Variants in EFCAB13 observed in about 807,000 individuals in gnomAD.
EFCAB13 encodes EF-hand calcium binding domain 13.
A neutral mutation model predicts 110.2 loss-of-function variants in EFCAB13; 91 were observed. That is an observed-to-expected ratio of 0.83 (90% CI 0.70 to 0.98). The LOEUF (loss-of-function observed/expected upper bound fraction) is 0.98. Ranked by LOEUF, EFCAB13 falls within the 50% of genes least tolerant of loss-of-function variation. The pLI is 0.00. For missense variants in EFCAB13, 968 were observed against 1,119.4 expected (o/e 0.86, Z 1.93); for synonymous variants, 323 against 369.9 (o/e 0.87, Z 1.45).
At chr17:47,362,071 G>T (rs2065516977) in intron 10 of EFCAB13, among the ~76,000 whole-genome samples, 1 of 151,968 alleles carries the variant, frequency 6.6e-6, no homozygotes. Flanking sequence ...ATTATTGTGG[G>T]CGGCAAGCCA....
intron 12 of EFCAB13, among the ~76,000 whole-genome samples, chr17:47,376,807 C>T (rs145770178): frequency 3.5e-4 from 53 of 152,306 alleles, no homozygotes; most frequent in African/African-American, 1.3e-3. Context: ...TAGTCCCCTT[C>T]AGTCTGGGAT....
rs60375757 is a variant in EFCAB13 at position 47,432,399 on chromosome 17, AAAAT to A, written c.2638+2479_2638+2482del. Among the ~76,000 whole-genome samples, 380 of 138,536 alleles carry A rather than the reference AAAAT, an allele frequency of 2.7e-3. 1 individual carries two copies. Among genetic ancestry groups the A allele is most frequent in the African/African-American group, 4.1e-3 (150 of 36,348 alleles). 90.9% of individuals were successfully genotyped at this position (138,536 alleles called of 152,430 possible). ...GGCGACTGAGCAAGAATCCATCTCA[AAAAT>A]AAATAAATAAATAAATAAATAAATA... On this transcript the variant is annotated intron_variant, in intron 24 of 24. Coordinates refer to ENST00000331493, the MANE Select transcript of EFCAB13 (RefSeq NM_152347.5).
chr17:47,398,666 G>A (rs553578094), intron 17 of EFCAB13, among the ~76,000 whole-genome samples: 6 of 151,302 alleles, frequency 4.0e-5, no homozygotes, highest in African/African-American at 1.5e-4. Flanking sequence ...TGCTCCTTAA[G>A]AGTCATCACC....
At position 47,324,527 on chromosome 17, in the gene EFCAB13, C is replaced by G. The variant is rs950598801; in HGVS notation, c.-248+4C>G. On this transcript the variant is annotated splice_donor_region_variant and intron_variant, in intron 2 of 24. Transcript: ENST00000331493. ...TGGGTTCTTGGAAGAGGTGGAGGTTCGTTCACTCGACGTTTGTTACACAAA... is the reference window on the plus strand; with the variant it reads ...TGGGTTCTTGGAAGAGGTGGAGGTTGGTTCACTCGACGTTTGTTACACAAA... The G allele has an allele frequency of 6.6e-5, 10 of 152,064 alleles. No individual in the cohort carries two copies. The highest frequency in any genetic ancestry group is 2.2e-4 in the African/African-American group (9 of 41,356). The allele number at this position is 152,064 out of a possible 1,614,324, so 9.4% of individuals were successfully genotyped here.
At position 47,424,659 on chromosome 17, in the gene EFCAB13, CA is replaced by C. The variant is rs138264090; in HGVS notation, c.2495-5158del. 8.8e-3 allele frequency among the ~76,000 whole-genome samples: 1,340 copies of C among 152,088 alleles called. 20 individuals are homozygous for C. The highest frequency in any genetic ancestry group is 0.031 in the African/African-American group (1,285 of 41,454). ...ATCAGTGATGGCATGAATTCTTCAG[CA>C]CATTATCACGTAAACTTCAGCCAGG... On this transcript the variant is annotated intron_variant, in intron 23 of 24. Transcript: ENST00000331493.
intron 12 of EFCAB13, among the ~76,000 whole-genome samples, chr17:47,375,450 C>T (rs2065609739): frequency 6.6e-6 from 1 of 151,582 alleles, no homozygotes; most frequent in Non-Finnish European, 1.5e-5. Flanking sequence ...CATGCCACCA[C>T]ACCCAGCTAA....
intron 12 of EFCAB13, 118 bp downstream of exon 12, chr17:47,375,084 T>A: frequency 1.3e-6 from 1 of 796,060 alleles, no homozygotes; most frequent in Non-Finnish European, 1.7e-6. Context: ...CCACCACTTC[T>A]TTTTTTTTTA....
chr17:47,355,814 G>T (rs532484949), intron 9 of EFCAB13, among the ~76,000 whole-genome samples: 1 of 151,774 alleles, frequency 6.6e-6, no homozygotes. Flanking sequence ...CTCATGATCC[G>T]CCTGCCTTGG....
intron 12 of EFCAB13, among the ~76,000 whole-genome samples, chr17:47,376,009 T>C (rs1421139061): frequency 5.3e-5 from 8 of 152,206 alleles, no homozygotes; most frequent in Admixed American, 5.2e-4. Flanking sequence ...ACTTTCATCA[T>C]AGAAGCAGTG....
intron 4 of EFCAB13, among the ~76,000 whole-genome samples, chr17:47,328,629 C>G (rs941805160): frequency 6.6e-6 from 1 of 151,992 alleles, no homozygotes; most frequent in African/African-American, 2.4e-5. Context: ...GGGTACGGAC[C>G]TGGATAATTT....
At chr17:47,416,013 A>G (rs1904430608) in intron 23 of EFCAB13, among the ~76,000 whole-genome samples, 1 of 152,238 alleles carries the variant, frequency 6.6e-6, no homozygotes, top group South Asian at 2.1e-4. Flanking sequence ...TCAATGGCGT[A>G]TTTCTAAATG....
intron 2 of EFCAB13, among the ~76,000 whole-genome samples, chr17:47,325,316 T>C (rs1259704769): frequency 6.6e-6 from 1 of 152,034 alleles, no homozygotes; most frequent in African/African-American, 2.4e-5. Context: ...TAAGCCACCA[T>C]GCACAGCCTG....
intron 21 of EFCAB13, 141 bp from the exon 22 acceptor site, chr17:47,412,632 A>C: frequency 1.2e-6 from 1 of 867,440 alleles, no homozygotes. Flanking sequence ...CATCAGTTAC[A>C]AATAGAAAAT....
chr17:47,403,924 G>T lies in EFCAB13; in HGVS notation c.2064G>T (p.Met688Ile). ...CTGCTGATTTGCTGGAAGGTGACAT[G>T]ATAGCTGGGAAGAACTTGGAAGACT... ...VLAADLLEGD[M>I]IAGKNLEDFL... The change falls in exon 19 of 25, where the codon ATG (methionine) becomes ATT (isoleucine). Residue 688 changes from methionine to isoleucine, a missense_variant. By Grantham distance (10) the Met-to-Ile change is conservative. Transcript: ENST00000331493. The T allele has an allele frequency of 6.2e-7, 1 of 1,611,846 alleles. No homozygotes were observed. Among genetic ancestry groups the T allele is most frequent in the Non-Finnish European group, 8.5e-7 (1 of 1,178,778 alleles).
chr17:47,421,769 G>C (rs918657004), intron 23 of EFCAB13, among the ~76,000 whole-genome samples: 1 of 152,014 alleles, frequency 6.6e-6, no homozygotes, highest in Non-Finnish European at 1.5e-5. Flanking sequence ...AAATTTTAAT[G>C]AAAAGAATAA....
chr17:47,332,572 C>T (rs1308290627), intron 4 of EFCAB13, among the ~76,000 whole-genome samples: 1 of 151,328 alleles, frequency 6.6e-6, no homozygotes, highest in Non-Finnish European at 1.5e-5. Context: ...TCCCCCAAAC[C>T]TCTCCACCCC....
At chr17:47,334,210 A>G (rs1476958243) in intron 4 of EFCAB13, among the ~76,000 whole-genome samples, 5 of 151,948 alleles carry the variant, frequency 3.3e-5, no homozygotes, top group Admixed American at 6.6e-5. Flanking sequence ...TAATCCCATT[A>G]TAATGTTGAG....
At chr17:47,395,143 T>G (rs991319252) in intron 16 of EFCAB13, among the ~76,000 whole-genome samples, 1 of 152,210 alleles carries the variant, frequency 6.6e-6, no homozygotes, top group African/African-American at 2.4e-5. Context: ...CTTGCCTCCG[T>G]GTACTTTTGT....
At chr17:47,371,813 C>T (rs1268545829) in intron 11 of EFCAB13, among the ~76,000 whole-genome samples, 1 of 152,130 alleles carries the variant, frequency 6.6e-6, no homozygotes, top group Non-Finnish European at 1.5e-5. Context: ...GGGGTTTCAA[C>T]ATATTGGTCA....
Sources: gnomAD v4.1 joint callset for allele counts (sites outside exome capture counted in the v4.1 genomes callset) on GRCh38, gnomAD v4.1.1 for gene constraint, MANE v1.5 for transcripts, NCBI Gene and HGNC (gene_info 2026-07-23, HGNC 2026-07-21) for gene names.